The following MLLT6 variants were observed in gnomAD, a reference collection of about 807,000 sequenced individuals.
The protein encoded by MLLT6 is protein AF-17.
Under a neutral mutation model 103.0 loss-of-function variants are expected in MLLT6, and 22 were observed. The observed-to-expected ratio is 0.21, with a 90% CI of 0.15 to 0.31. The LOEUF (loss-of-function observed/expected upper bound fraction) is 0.31, where lower values mean the gene tolerates loss of function less well. Among genes scored for constraint, MLLT6 ranks in the 10% least tolerant of loss-of-function variants. The pLI is 1.00. For synonymous variants in MLLT6, 606 were observed against 623.5 expected (o/e 0.97, Z 0.42); for missense variants, 1,199 against 1,441.7 (o/e 0.83, Z 2.73).
Position 38,720,767 on chromosome 17 carries a change from G to A in MLLT6, c.2442+20G>A, listed in dbSNP as rs781122102. The A allele has an allele frequency of 3.1e-6, 5 of 1,608,916 alleles. No individual in the cohort carries two copies. In the Admixed American group the frequency reaches 8.3e-5, roughly 27 times the overall value. The stretch of plus-strand genomic sequence containing the variant: ...TCTGAGGTGGGCGCTACGAGGAGTG[G>A]GGCAGGAAGGAGGGGGAGACTCAAG... On this transcript the variant is annotated intron_variant, in intron 16 of 19. Coordinates refer to ENST00000621332, the MANE Select transcript of MLLT6 (RefSeq NM_005937.4).
chr17:38,720,583 G>C lies in MLLT6; in HGVS notation c.2353+14G>C. ...TGCCTCCCCAAGGTGAGGGGATCCT[G>C]CCCAGCCCGGGAGAGAGGCCCGTGC... On this transcript the variant is annotated intron_variant, in intron 15 of 19. Transcript: ENST00000621332. The C allele has an allele frequency of 6.2e-7, 1 of 1,612,440 alleles. No individual in the cohort carries two copies. Among genetic ancestry groups the C allele is most frequent in the Non-Finnish European group, 8.5e-7 (1 of 1,179,752 alleles).
At chr17:38,712,232 C>A (rs1905166762) in intron 7 of MLLT6, 1 of 461,584 alleles carries the variant, frequency 2.2e-6, no homozygotes, top group South Asian at 9.2e-5. Context: ...CCTCTGGGTC[C>A]TCCCCATGAC....
rs749757111 is a variant in MLLT6, at chr17:38,711,377, AAGG to A, written c.553-467_553-465del. Among the ~76,000 whole-genome samples the A allele has an allele frequency of 1.4e-4, 22 of 152,262 alleles. No individual in the cohort carries two copies. In the East Asian group the frequency reaches 3.1e-3, roughly 21 times the overall value. On this transcript the variant is annotated intron_variant, in intron 6 of 19. Transcript: ENST00000621332. ...TTGGTGGAGGGGAGGGGCCAGGATAAAGGAGAAGAGGGTGATAGCTGAGCCAAG... is the reference window on the plus strand; with the variant it reads ...TTGGTGGAGGGGAGGGGCCAGGATAAAGAAGAGGGTGATAGCTGAGCCAAG...
chr17:38,716,206 T>G lies in MLLT6; in HGVS notation c.1037-161T>G. 1 of 714,536 alleles carries G rather than the reference T, an allele frequency of 1.4e-6. No homozygotes were observed. The highest frequency in any genetic ancestry group is 2.3e-6 in the Non-Finnish European group (1 of 441,976). The allele number at this position is 714,536 out of a possible 1,614,324, so 44.3% of individuals were successfully genotyped here. On this transcript the variant is annotated intron_variant, in intron 9 of 19. Transcript: ENST00000621332. The surrounding 1 kb of genome is among the most constrained non-coding windows in gnomAD (Gnocchi z 5.6). ...ATTACAGGTGGGAAAGCTGGAGGGG[T>G]CGGGGGTACTCATCCCAGGACACAG...
chr17:38,705,775 C>T (rs746835409), intron 1 of MLLT6, 34 bp downstream of exon 1: 2 of 1,148,538 alleles, frequency 1.7e-6, no homozygotes, highest in Non-Finnish European at 2.3e-6. Context: ...CGGCGGGACC[C>T]CGGGGGCGGC....
In MLLT6 at chr17:38,724,435, T is replaced by G; in HGVS notation, c.2884-185T>G. 1.9e-6 allele frequency: 1 copy of G among 537,384 alleles called. No individual in the cohort carries two copies. Among genetic ancestry groups the G allele is most frequent in the South Asian group, 2.7e-5 (1 of 36,504 alleles). The allele number at this position is 537,384 out of a possible 1,614,324, so 33.3% of individuals were successfully genotyped here. A position where few individuals can be genotyped will look rare whatever the true frequency, so the allele number is the denominator to read the frequency against. ...GCAAATACCAATGGCGTGCAACCATTTTCTTGTCTAGATGGGGAGACCCAG... is the reference window on the plus strand; with the variant it reads ...GCAAATACCAATGGCGTGCAACCATGTTCTTGTCTAGATGGGGAGACCCAG... On this transcript the variant is annotated intron_variant, in intron 18 of 19. Coordinates refer to ENST00000621332, the MANE Select transcript of MLLT6 (RefSeq NM_005937.4). This position sits in a 1 kb window ranked among gnomAD's most constrained non-coding sequence, Gnocchi z 5.4.
rs373453263 is a variant in MLLT6, at chr17:38,705,602, C to G, written c.-31C>G. On this transcript the variant is annotated 5_prime_UTR_variant, in exon 1 of 20. Transcript: ENST00000621332. ...CCCCGACCCCCGCCGGCCGGCCCCC[C>G]GCCCCAGCCCCGGAGGGAGCTCATG... The G allele has an allele frequency of 7.5e-5, 102 of 1,359,378 alleles. No homozygotes were observed. The highest frequency in any genetic ancestry group is 5.4e-5 in the East Asian group (2 of 36,892). 84.2% of individuals were successfully genotyped at this position (1,359,378 alleles called of 1,614,324 possible).
chr17:38,707,184 TC>T (rs796807894), intron 2 of MLLT6, among the ~76,000 whole-genome samples, 155 bp downstream of exon 2: 19 of 152,316 alleles, frequency 1.2e-4, no homozygotes, highest in African/African-American at 4.6e-4. Context: ...CAACCTCATC[TC>T]TGCCTCACGC....
At chr17:38,706,352 C>A (rs546600757) in intron 1 of MLLT6, 1 of 152,172 alleles carries the variant, frequency 6.6e-6, no homozygotes, top group Non-Finnish European at 1.5e-5. Context: ...GCTGGCATCT[C>A]CCGCCTGCCT....
At chr17:38,719,197 C>T (rs2143696575) in intron 12 of MLLT6, 1 of 401,040 alleles carries the variant, frequency 2.5e-6, no homozygotes. Flanking sequence ...GGTTTAAGTT[C>T]AATCCAGGTC....
chr17:38,720,119 A>C (rs895339366), intron 14 of MLLT6: 1 of 718,490 alleles, frequency 1.4e-6, no homozygotes, highest in African/African-American at 1.8e-5. Context: ...CCCCGACCTT[A>C]CCAAACCGCA....
chr17:38,725,367 T>C (rs1905969527), intron 19 of MLLT6, 190 bp from the exon 20 acceptor site: 2 of 590,648 alleles, frequency 3.4e-6, no homozygotes, highest in Admixed American at 3.5e-5. Context: ...AGCCCGGTGC[T>C]CTTCTGCAGG....
chr17:38,719,738 C>T lies in MLLT6; in HGVS notation c.2010-12C>T, dbSNP rs754993913. On this transcript the variant is annotated splice_polypyrimidine_tract_variant and intron_variant, in intron 13 of 19. Transcript: ENST00000621332. The stretch of plus-strand genomic sequence containing the variant: ...GTCGGGTCGACTGAACCCAGGTTCC[C>T]TCTGGCCGCAGGTCCCCCATCAGCA... 2.5e-6 allele frequency: 4 copies of T among 1,604,632 alleles called. No homozygotes were observed. The highest frequency in any genetic ancestry group is 3.4e-6 in the Non-Finnish European group (4 of 1,173,940).
chr17:38,724,602 G>A lies in MLLT6; in HGVS notation c.2884-18G>A. The A allele has an allele frequency of 5.2e-6, 8 of 1,552,130 alleles. No homozygotes were observed. Among genetic ancestry groups the A allele is most frequent in the East Asian group, 2.3e-5 (1 of 44,062 alleles). On this transcript the variant is annotated intron_variant, in intron 18 of 19. Coordinates refer to ENST00000621332, the MANE Select transcript of MLLT6 (RefSeq NM_005937.4). This position sits in a 1 kb window ranked among gnomAD's most constrained non-coding sequence, Gnocchi z 5.4. The stretch of plus-strand genomic sequence containing the variant: ...CCCCCGGGACTGTTGGCCAACAAGC[G>A]GTCTGGCCCCCTTGCAGGAACACCA...
rs368770858 is a variant in MLLT6 at position 38,716,354 on chromosome 17, C to T, written c.1037-13C>T. The T allele has an allele frequency of 9.7e-5, 156 of 1,600,912 alleles. No homozygotes were observed. In the African/African-American group the frequency reaches 1.7e-3, roughly 17 times the overall value. On this transcript the variant is annotated splice_polypyrimidine_tract_variant and intron_variant, in intron 9 of 19. Coordinates refer to ENST00000621332, the MANE Select transcript of MLLT6 (RefSeq NM_005937.4). This position sits in a 1 kb window ranked among gnomAD's most constrained non-coding sequence, Gnocchi z 5.6. ...CTGGGGTCCAGCTGTAACTGTTTCC[C>T]CTCTGTGCACAGTCTCGTCCCTGCA...
Position 38,705,582 on chromosome 17 carries a change from A to AC in MLLT6, c.-46dup. 2 of 216,668 alleles carry AC rather than the reference A, an allele frequency of 9.2e-6. No homozygotes were observed. The highest frequency in any genetic ancestry group is 2.7e-5 in the African/African-American group (1 of 37,370). The allele number at this position is 216,668 out of a possible 1,614,324, so 13.4% of individuals were successfully genotyped here. On this transcript the variant is annotated 5_prime_UTR_variant, in exon 1 of 20. Coordinates refer to ENST00000621332, the MANE Select transcript of MLLT6 (RefSeq NM_005937.4). The stretch of plus-strand genomic sequence containing the variant: ...CTCCCTCCCTCCCCCCTGACCCCCG[A>AC]CCCCCGCCGGCCGGCCCCCCGCCCC...
rs1287563361 is a variant in MLLT6 at position 38,726,090 on chromosome 17, C to G, written c.*492C>G. 1.3e-5 allele frequency: 3 copies of G among 236,174 alleles called. No individual in the cohort carries two copies. The highest frequency in any genetic ancestry group is 2.5e-5 in the Non-Finnish European group (3 of 120,012). 14.6% of individuals were successfully genotyped at this position (236,174 alleles called of 1,614,324 possible). ...CTCGGGCAGATGGCAGAAGGGACCC[C>G]TTGGACTTTTTCTCGCCATCCCTCC... On this transcript the variant is annotated 3_prime_UTR_variant, in exon 20 of 20. Transcript: ENST00000621332.
At position 38,706,983 on chromosome 17, in the gene MLLT6, C is replaced by T; in HGVS notation, c.143C>T (p.Pro48Leu). The change falls in exon 2 of 20, where the codon CCC becomes CTC. Residue 48 changes from proline to leucine, a missense_variant. Around this residue, in one of 7 missense-constraint regions of MLLT6, gnomAD observed 26 missense variants for 44.5 expected, o/e 0.58. Transcript: ENST00000621332. ...GGCATCGTTCAGGTGCCAACGGGAC[C>T]CTGGTTCTGCCGGAAATGTGAATCT... ...CYGIVQVPTG[P>L]WFCRKCESQE... 6.2e-7 allele frequency: 1 copy of T among 1,612,324 alleles called. No homozygotes were observed. Among genetic ancestry groups the T allele is most frequent in the Non-Finnish European group, 8.5e-7 (1 of 1,178,640 alleles).
rs767259863 is a variant in MLLT6, at chr17:38,712,031, A to G, written c.720+17A>G. The G allele has an allele frequency of 6.5e-6, 10 of 1,529,490 alleles. No homozygotes were observed. The highest frequency in any genetic ancestry group is 8.8e-7 in the Non-Finnish European group (1 of 1,136,658). 94.7% of individuals were successfully genotyped at this position (1,529,490 alleles called of 1,614,324 possible). A position where few individuals can be genotyped will look rare whatever the true frequency, so the allele number is the denominator to read the frequency against. On this transcript the variant is annotated intron_variant, in intron 7 of 19. Coordinates refer to ENST00000621332, the MANE Select transcript of MLLT6 (RefSeq NM_005937.4). ...CAGAAGAAGGTAGAAGTCCTCCCCCACCTGCCATCACTCCCACACGGGGAC... is the reference window on the plus strand; with the variant it reads ...CAGAAGAAGGTAGAAGTCCTCCCCCGCCTGCCATCACTCCCACACGGGGAC...
Sources: gnomAD v4.1 joint callset for allele counts (sites outside exome capture counted in the v4.1 genomes callset) on GRCh38, gnomAD v4.1.1 for gene constraint, gnomAD v4.1.1 regional missense constraint, Gnocchi (gnomAD v3.1) non-coding constraint, MANE v1.5 for transcripts, NCBI Gene and HGNC (gene_info 2026-07-23, HGNC 2026-07-21) for gene names.